The following SHISA6 variants were observed in gnomAD, a reference collection of about 807,000 sequenced individuals.
The protein encoded by SHISA6 is protein shisa-6.
A neutral mutation model predicts 47.9 loss-of-function variants in SHISA6; 22 were observed. That is an observed-to-expected ratio of 0.46 (90% confidence interval 0.33 to 0.66). SHISA6 has a LOEUF of 0.66. Among genes scored for constraint, SHISA6 ranks in the 30% least tolerant of loss-of-function variants. SHISA6 has a pLI of 0.02. For synonymous variants in SHISA6, 388 were observed against 337.8 expected, an observed-to-expected ratio of 1.15 and a Z score of -1.63; for missense variants, 680 against 764.6, an observed-to-expected ratio of 0.89 and a Z score of 1.30.
chr17:11,413,851 T>C (rs975827897), intron 3 of SHISA6, among the ~76,000 whole-genome samples: 4 of 151,940 alleles, frequency 2.6e-5, no homozygotes, highest in African/African-American at 9.7e-5. Flanking sequence ...GGTGGAAAAA[T>C]AGATCCCATC....
chr17:11,492,101 T>C (rs1558762), intron 3 of SHISA6, among the ~76,000 whole-genome samples: 62,505 of 151,950 alleles, frequency 0.41, 13,342 homozygotes, highest in East Asian at 0.56. Flanking sequence ...TGAAGTGTGA[T>C]GTGAGCAGAG....
At chr17:11,411,932 C>A (rs1297450525) in intron 3 of SHISA6, among the ~76,000 whole-genome samples, 1 of 152,152 alleles carries the variant, frequency 6.6e-6, no homozygotes, top group African/African-American at 2.4e-5. Flanking sequence ...TCATAAATGC[C>A]TACCAATGTA....
chr17:11,491,806 C>G (rs1161028210), intron 3 of SHISA6, among the ~76,000 whole-genome samples: 1 of 144,934 alleles, frequency 6.9e-6, no homozygotes, highest in Non-Finnish European at 1.5e-5. Context: ...GAGTCTCCCT[C>G]TGTCGCCCAG....
In SHISA6 at chr17:11,491,357, G is replaced by A. The variant is rs73286827; in HGVS notation, c.896-60539G>A. On this transcript the variant is annotated intron_variant, in intron 3 of 5. Coordinates refer to ENST00000441885, the MANE Select transcript of SHISA6 (RefSeq NM_207386.4). ...TAGGCTGTAATGCAGTGGGCGGTGG[G>A]AGGGACAATCACGGCCCACTGCAGC... Among the ~76,000 whole-genome samples the A allele has an allele frequency of 9.3e-3, 1,417 of 152,226 alleles. 27 individuals carry two copies. Among genetic ancestry groups the A allele is most frequent in the African/African-American group, 0.032 (1,330 of 41,506 alleles).
intron 2 of SHISA6, among the ~76,000 whole-genome samples, chr17:11,338,718 C>T (rs1434087004): frequency 6.6e-6 from 1 of 152,036 alleles, no homozygotes; most frequent in Non-Finnish European, 1.5e-5. Context: ...ACCCGGCCAC[C>T]AGAAGACTTT....
At chr17:11,412,242 T>C (rs1368446826) in intron 3 of SHISA6, among the ~76,000 whole-genome samples, 1 of 152,174 alleles carries the variant, frequency 6.6e-6, no homozygotes, top group Non-Finnish European at 1.5e-5. Context: ...ACTAGGGCTG[T>C]TGTGAGAACT....
At chr17:11,358,388 G>A (rs893483785) in intron 2 of SHISA6, among the ~76,000 whole-genome samples, 5 of 151,632 alleles carry the variant, frequency 3.3e-5, no homozygotes, top group Admixed American at 1.3e-4. Context: ...AGATGGAGTC[G>A]CTCTCCTGTC....
intron 3 of SHISA6, among the ~76,000 whole-genome samples, chr17:11,509,016 A>G (rs2071522154): frequency 6.6e-6 from 1 of 152,208 alleles, no homozygotes; most frequent in African/African-American, 2.4e-5. Context: ...GTGACATAAT[A>G]GCACCAGCTG....
intron 3 of SHISA6, among the ~76,000 whole-genome samples, chr17:11,444,185 G>T (rs1421448366): frequency 1.3e-5 from 2 of 152,166 alleles, no homozygotes; most frequent in African/African-American, 4.8e-5. Flanking sequence ...TAGGCGTGGT[G>T]GCACACGCCT....
chr17:11,453,306 C>A (rs895580546), intron 3 of SHISA6, among the ~76,000 whole-genome samples: 1 of 152,156 alleles, frequency 6.6e-6, no homozygotes, highest in Non-Finnish European at 1.5e-5. Flanking sequence ...GCCTGAGGTC[C>A]AGGCAGCAGC....
chr17:11,442,173 T>C (rs1915111345), intron 3 of SHISA6, among the ~76,000 whole-genome samples: 1 of 152,220 alleles, frequency 6.6e-6, no homozygotes. Flanking sequence ...AATACTATCA[T>C]GTCTTAGTAT....
chr17:11,372,156 A>G (rs143346608), intron 2 of SHISA6, among the ~76,000 whole-genome samples: 208 of 152,306 alleles, frequency 1.4e-3, no homozygotes, highest in African/African-American at 4.8e-3. Context: ...ACAGCTGCAT[A>G]GTATTCCATC....
chr17:11,455,562 A>G (rs1363473227), intron 3 of SHISA6, among the ~76,000 whole-genome samples: 1 of 151,956 alleles, frequency 6.6e-6, no homozygotes, highest in African/African-American at 2.4e-5. Context: ...TGTGTGTACA[A>G]GCGTGGAGAG....
At chr17:11,524,127 C>G (rs1254070236) in intron 3 of SHISA6, among the ~76,000 whole-genome samples, 3 of 152,048 alleles carry the variant, frequency 2.0e-5, no homozygotes, top group Non-Finnish European at 4.4e-5. Context: ...AATACACATA[C>G]TTTTCAGCTT....
intron 2 of SHISA6, among the ~76,000 whole-genome samples, chr17:11,359,083 T>C (rs1442770522): frequency 6.6e-6 from 1 of 152,242 alleles, no homozygotes; most frequent in Non-Finnish European, 1.5e-5. Flanking sequence ...TTGAGAATAA[T>C]GCTTCTGTGA....
In SHISA6 at chr17:11,555,851, T is replaced by C; in HGVS notation, c.1064T>C (p.Val355Ala). The change falls in exon 5 of 6, where the codon GTA (valine) becomes GCA (alanine). Residue 355 changes from valine to alanine, a missense_variant. Around this residue, in one of 2 missense-constraint regions of SHISA6, gnomAD observed 559 missense variants for 674.1 expected, o/e 0.83. Coordinates refer to ENST00000441885, the MANE Select transcript of SHISA6 (RefSeq NM_207386.4). The stretch of plus-strand genomic sequence containing the variant: ...CTGCCCCCATCCTACGAGTCTGCAG[T>C]AAAGACCAACCCCAGCAAGTATTCA... The part of the protein sequence containing the change: ...AHLPPSYESA[V>A]KTNPSKYSSL... 6.4e-7 allele frequency: 1 copy of C among 1,550,546 alleles called. No homozygotes were observed. The highest frequency in any genetic ancestry group is 8.7e-7 in the Non-Finnish European group (1 of 1,146,602).
At chr17:11,529,910 A>C (rs780184963) in intron 3 of SHISA6, among the ~76,000 whole-genome samples, 21 of 152,192 alleles carry the variant, frequency 1.4e-4, no homozygotes, top group Non-Finnish European at 2.4e-4. Flanking sequence ...TTCCCCTATC[A>C]AACATAGAGG....
At chr17:11,514,975 G>C (rs2071570865) in intron 3 of SHISA6, among the ~76,000 whole-genome samples, 2 of 152,222 alleles carry the variant, frequency 1.3e-5, no homozygotes, top group South Asian at 4.2e-4. Flanking sequence ...TGGAGGCCAG[G>C]AACAGTGGTC....
chr17:11,458,452 C>T (rs1394423600), intron 3 of SHISA6, among the ~76,000 whole-genome samples: 1 of 152,112 alleles, frequency 6.6e-6, no homozygotes, highest in Non-Finnish European at 1.5e-5. Flanking sequence ...CAGAAGCAGA[C>T]GCCGAAGAAG....
Sources: allele counts gnomAD v4.1 joint callset (sites outside exome capture counted in the v4.1 genomes callset), GRCh38; gene constraint gnomAD v4.1.1; regional missense constraint gnomAD v4.1.1; transcripts MANE v1.5; gene names NCBI Gene and HGNC (gene_info 2026-07-23, HGNC 2026-07-21).